MGMT: variants seen among roughly 807,000 people sequenced by gnomAD.
MGMT encodes O-6-methylguanine-DNA methyltransferase, also known as methylated-DNA--protein-cysteine methyltransferase.
Under a neutral mutation model 15.9 loss-of-function variants are expected in MGMT, and 14 were observed. That is an observed-to-expected ratio of 0.88 (90% CI 0.58 to 1.37). MGMT has a LOEUF of 1.37. Ranked by LOEUF, MGMT falls within the 40% of genes most tolerant of loss-of-function variation. MGMT has a pLI of 0.00. For synonymous variants in MGMT, 130 were observed against 118.2 expected (o/e 1.10, Z -0.65); for missense variants, 282 against 268.1 (o/e 1.05, Z -0.36).
At chr10:129,689,434 C>T (rs892998324) in intron 2 of MGMT, among the ~76,000 whole-genome samples, 1 of 152,146 alleles carries the variant, frequency 6.6e-6, no homozygotes, top group Non-Finnish European at 1.5e-5. Flanking sequence ...TCATGTACAT[C>T]ATAATTAGGA....
At chr10:129,545,083 G>T (rs1301427979) in intron 2 of MGMT, among the ~76,000 whole-genome samples, 1 of 152,206 alleles carries the variant, frequency 6.6e-6, no homozygotes, top group Non-Finnish European at 1.5e-5. Context: ...CTGTGAAGTT[G>T]TTGGCATCAA....
At chr10:129,521,412 C>G (rs1028353973) in intron 1 of MGMT, among the ~76,000 whole-genome samples, 1 of 152,172 alleles carries the variant, frequency 6.6e-6, no homozygotes, top group Non-Finnish European at 1.5e-5. Context: ...ATTCAGAGAC[C>G]TGCAGTGTGA....
rs143860297 is a variant in MGMT at position 129,718,761 on chromosome 10, C to G, written c.274+10718C>G. ...CTGCTAAGGCGTGTCACCTTCCGCTCAGGTGTGTCACCTTTCTGAGATGTC... is the reference window on the plus strand; with the variant it reads ...CTGCTAAGGCGTGTCACCTTCCGCTGAGGTGTGTCACCTTTCTGAGATGTC... On this transcript the variant is annotated intron_variant, in intron 3 of 4. Coordinates refer to ENST00000651593, the MANE Select transcript of MGMT (RefSeq NM_002412.5). Among the ~76,000 whole-genome samples the G allele has an allele frequency of 2.4e-3, 367 of 151,902 alleles. 3 individuals are homozygous for G. Among genetic ancestry groups the G allele is most frequent in the African/African-American group, 8.4e-3 (349 of 41,334 alleles).
chr10:129,725,370 G>A (rs1030948287), intron 3 of MGMT, among the ~76,000 whole-genome samples: 3 of 152,222 alleles, frequency 2.0e-5, no homozygotes, highest in African/African-American at 4.8e-5. Context: ...TGTCTGGCCC[G>A]AAGTTCCATG....
chr10:129,505,901 A>G (rs1845619885), intron 1 of MGMT, among the ~76,000 whole-genome samples: 1 of 151,722 alleles, frequency 6.6e-6, no homozygotes, highest in African/African-American at 2.4e-5. Context: ...TCCCTGGGGT[A>G]GTTTGATCCC....
At chr10:129,716,484 C>A (rs993174972) in intron 3 of MGMT, among the ~76,000 whole-genome samples, 3 of 152,216 alleles carry the variant, frequency 2.0e-5, no homozygotes, top group Middle Eastern at 3.2e-3. Flanking sequence ...CGCGATCCCC[C>A]GCCTGCCAAG....
chr10:129,503,164 G>A (rs1845591812), intron 1 of MGMT, among the ~76,000 whole-genome samples: 1 of 150,898 alleles, frequency 6.6e-6, no homozygotes. Context: ...AGCTATTTTA[G>A]TATTATGAAG....
At chr10:129,563,239 G>A (rs553773106) in intron 2 of MGMT, among the ~76,000 whole-genome samples, 3 of 152,316 alleles carry the variant, frequency 2.0e-5, no homozygotes, top group Middle Eastern at 3.4e-3. Context: ...TGCCTGTTAC[G>A]TGCTGGCCAT....
intron 3 of MGMT, among the ~76,000 whole-genome samples, chr10:129,752,340 C>T (rs897968879): frequency 4.0e-5 from 6 of 151,516 alleles, no homozygotes; most frequent in Non-Finnish European, 8.9e-5. Context: ...TTTTTCTATC[C>T]GTTTACTTTT....
At chr10:129,717,670 A>G (rs1452424219) in intron 3 of MGMT, 2 of 152,186 alleles carry the variant, frequency 1.3e-5, no homozygotes, top group African/African-American at 4.8e-5. Flanking sequence ...TGTATGGTAC[A>G]GTCTGCATCT....
At chr10:129,501,078 C>G (rs1471099075) in intron 1 of MGMT, among the ~76,000 whole-genome samples, 1 of 152,222 alleles carries the variant, frequency 6.6e-6, no homozygotes, top group Non-Finnish European at 1.5e-5. Flanking sequence ...CTGACAGGCT[C>G]TGGCAACTCT....
At chr10:129,579,396 G>T (rs925842982) in intron 2 of MGMT, among the ~76,000 whole-genome samples, 1 of 152,200 alleles carries the variant, frequency 6.6e-6, no homozygotes, top group African/African-American at 2.4e-5. Flanking sequence ...TGGAGGGTGG[G>T]CAGAGCTTTC....
chr10:129,708,152 C>A (rs529084340), intron 3 of MGMT, 109 bp downstream of exon 3: 74 of 1,415,464 alleles, frequency 5.2e-5, no homozygotes, highest in Admixed American at 2.9e-4. Flanking sequence ...ATTTTTACAT[C>A]AGCTAAACAG....
intron 2 of MGMT, among the ~76,000 whole-genome samples, chr10:129,683,988 C>T (rs1245582710): frequency 3.3e-5 from 5 of 152,232 alleles, no homozygotes; most frequent in Non-Finnish European, 5.9e-5. Flanking sequence ...CTGGTAGCTG[C>T]TCCCCACTCA....
intron 2 of MGMT, among the ~76,000 whole-genome samples, chr10:129,648,905 C>T (rs1211090603): frequency 6.6e-6 from 1 of 152,204 alleles, no homozygotes; most frequent in African/African-American, 2.4e-5. Flanking sequence ...GACACCACCG[C>T]TTAAGCCCTG....
intron 2 of MGMT, among the ~76,000 whole-genome samples, chr10:129,683,870 G>A (rs1847878885): frequency 6.6e-6 from 1 of 152,178 alleles, no homozygotes; most frequent in African/African-American, 2.4e-5. Flanking sequence ...CAGAAGATGT[G>A]TCAGGGGTCA....
intron 2 of MGMT, among the ~76,000 whole-genome samples, chr10:129,569,963 A>T (rs55996756): frequency 0.032 from 4,947 of 152,316 alleles, 130 homozygotes; most frequent in South Asian, 0.065. Flanking sequence ...CCGCCTGAAC[A>T]TTGCTTGCCC....
intron 2 of MGMT, among the ~76,000 whole-genome samples, chr10:129,680,480 C>A (rs951933643): frequency 2.9e-4 from 41 of 139,062 alleles, no homozygotes; most frequent in Non-Finnish European, 5.2e-4. Context: ...GAAAGGCAGA[C>A]TCAGGAAGGT....
At chr10:129,606,282 G>A (rs1341193283) in intron 2 of MGMT, among the ~76,000 whole-genome samples, 2 of 152,194 alleles carry the variant, frequency 1.3e-5, no homozygotes, top group East Asian at 1.9e-4. Context: ...CCTGTCTGGC[G>A]CTCCGTTCCT....
Sources: gnomAD v4.1 joint callset for allele counts (sites outside exome capture counted in the v4.1 genomes callset) on GRCh38, gnomAD v4.1.1 for gene constraint, MANE v1.5 for transcripts, NCBI Gene and HGNC (gene_info 2026-07-23, HGNC 2026-07-21) for gene names.